GABRB2: variants seen among roughly 807,000 people sequenced by gnomAD.
GABRB2 encodes the protein gamma-aminobutyric acid receptor subunit beta-2.
In GABRB2, 16 loss-of-function variants were observed where a neutral mutation model predicts 54.7. The ratio of observed to expected loss-of-function variants is 0.29; its 90% confidence interval spans 0.20 to 0.44. GABRB2 has a LOEUF of 0.44. GABRB2 is among the 20% of genes least tolerant of loss of function. The pLI is 1.00. For missense variants in GABRB2, 355 were observed against 644.0 expected (o/e 0.55, Z 4.86); for synonymous variants, 244 against 233.8 (o/e 1.04, Z -0.40).
chr5:161,404,340 G>A (rs781050989), intron 5 of GABRB2, among the ~76,000 whole-genome samples: 4 of 152,096 alleles, frequency 2.6e-5, no homozygotes, highest in Non-Finnish European at 5.9e-5. Flanking sequence ...AGCATTTGCA[G>A]TGTGCTTTGC....
intron 4 of GABRB2, among the ~76,000 whole-genome samples, chr5:161,442,230 A>G (rs950740162): frequency 2.0e-5 from 3 of 152,208 alleles, no homozygotes; most frequent in African/African-American, 7.2e-5. Flanking sequence ...AATACCTACT[A>G]TGTACCCCTA....
chr5:161,466,335 T>C (rs1445340776), intron 3 of GABRB2, among the ~76,000 whole-genome samples: 1 of 152,084 alleles, frequency 6.6e-6, no homozygotes, highest in African/African-American at 2.4e-5. Context: ...TCCTTTGTAA[T>C]AAACAAATAT....
chr5:161,378,393 A>T (rs879467329), intron 5 of GABRB2, among the ~76,000 whole-genome samples: 3 of 152,122 alleles, frequency 2.0e-5, no homozygotes, highest in Non-Finnish European at 4.4e-5. Flanking sequence ...TTCTATATCA[A>T]TTTTGTTTTC....
chr5:161,507,781 T>C (rs1466052885), intron 3 of GABRB2, among the ~76,000 whole-genome samples: 3 of 151,942 alleles, frequency 2.0e-5, no homozygotes, highest in East Asian at 3.9e-4. Flanking sequence ...TCAGAGAAAA[T>C]GCAAATTAAA....
intron 3 of GABRB2, among the ~76,000 whole-genome samples, chr5:161,535,901 C>T (rs1760619507): frequency 6.6e-6 from 1 of 152,084 alleles, no homozygotes; most frequent in African/African-American, 2.4e-5. Flanking sequence ...AGTAAGTTCT[C>T]ATTCTATCAG....
intron 3 of GABRB2, among the ~76,000 whole-genome samples, chr5:161,538,620 TTGAAACTAGCCTGGGCAACGTGG>T (rs1760717308): frequency 6.6e-6 from 1 of 152,144 alleles, no homozygotes; most frequent in Non-Finnish European, 1.5e-5. Context: ...GCTCAGGAGT[TTGAAACTAGCCTGGGCAACGTGG>T]TGAAACCCCA....
chr5:161,464,685 A>C (rs1183654271), intron 3 of GABRB2, among the ~76,000 whole-genome samples: 1 of 152,164 alleles, frequency 6.6e-6, no homozygotes, highest in Non-Finnish European at 1.5e-5. Flanking sequence ...ATTGGAATGC[A>C]TCCCTGAAAC....
At chr5:161,393,573 A>C (rs990544775) in intron 5 of GABRB2, among the ~76,000 whole-genome samples, 1 of 152,016 alleles carries the variant, frequency 6.6e-6, no homozygotes, top group Admixed American at 6.6e-5. Flanking sequence ...AAAAATATTT[A>C]TTATGCAAAA....
intron 5 of GABRB2, among the ~76,000 whole-genome samples, chr5:161,342,035 T>C (rs1754183371): frequency 6.7e-6 from 1 of 149,822 alleles, no homozygotes; most frequent in Non-Finnish European, 1.5e-5. Flanking sequence ...ATTACTTTTT[T>C]AAACTTTGTT....
At chr5:161,484,985 CT>C (rs1047093685) in intron 3 of GABRB2, among the ~76,000 whole-genome samples, 7 of 151,962 alleles carry the variant, frequency 4.6e-5, no homozygotes, top group African/African-American at 1.7e-4. Context: ...ATTGAACGTC[CT>C]TAATTTGCTT....
At chr5:161,317,698 A>C (rs941621423) in intron 9 of GABRB2, among the ~76,000 whole-genome samples, 3 of 152,088 alleles carry the variant, frequency 2.0e-5, no homozygotes, top group Non-Finnish European at 4.4e-5. Flanking sequence ...CATGAATGAG[A>C]GTTTGGGGAA....
intron 3 of GABRB2, among the ~76,000 whole-genome samples, chr5:161,473,024 T>G (rs1168484325): frequency 6.6e-6 from 1 of 151,986 alleles, no homozygotes; most frequent in African/African-American, 2.4e-5. Context: ...TCTAAATAAT[T>G]AGCAACACTC....
intron 3 of GABRB2, among the ~76,000 whole-genome samples, chr5:161,508,777 T>C (rs1759680120): frequency 1.3e-5 from 2 of 152,006 alleles, no homozygotes; most frequent in African/African-American, 4.8e-5. Flanking sequence ...CAAAATAGTG[T>C]AGGCCAAATT....
intron 5 of GABRB2, among the ~76,000 whole-genome samples, chr5:161,350,285 C>T (rs959503157): frequency 6.6e-6 from 1 of 151,972 alleles, no homozygotes; most frequent in African/African-American, 2.4e-5. Flanking sequence ...ATGATATATA[C>T]AGAAAATCCA....
chr5:161,333,160 C>T (rs113633266), intron 7 of GABRB2, among the ~76,000 whole-genome samples: 5 of 152,098 alleles, frequency 3.3e-5, no homozygotes, highest in African/African-American at 1.2e-4. Flanking sequence ...ATTTATTGTT[C>T]CTGTAATCGA....
chr5:161,547,541 T>C (rs1459663956), upstream of GABRB2, among the ~76,000 whole-genome samples: 1 of 150,390 alleles, frequency 6.6e-6, no homozygotes, highest in Non-Finnish European at 1.5e-5. Context: ...GTGACGTTCC[T>C]GACCCGCTAG....
At chr5:161,391,567 A>T (rs1269972864) in intron 5 of GABRB2, among the ~76,000 whole-genome samples, 2 of 152,138 alleles carry the variant, frequency 1.3e-5, no homozygotes, top group African/African-American at 4.8e-5. Context: ...TCTCTTATGG[A>T]TTAGAAAACA....
intron 3 of GABRB2, among the ~76,000 whole-genome samples, chr5:161,460,719 G>T (rs754398696): frequency 6.6e-6 from 1 of 151,988 alleles, no homozygotes; most frequent in Non-Finnish European, 1.5e-5. Context: ...GTGCTGAGAT[G>T]AAAGTGGTAA....
intron 3 of GABRB2, among the ~76,000 whole-genome samples, chr5:161,530,630 G>A (rs568930633): frequency 1.3e-5 from 2 of 152,202 alleles, no homozygotes; most frequent in South Asian, 2.1e-4. Context: ...CTAAGATAAA[G>A]CATTCCCCCA....
Sources: gnomAD v4.1 joint callset for allele counts (sites outside exome capture counted in the v4.1 genomes callset) on GRCh38, gnomAD v4.1.1 for gene constraint, MANE v1.5 for transcripts, NCBI Gene and HGNC (gene_info 2026-07-23, HGNC 2026-07-21) for gene names.